Variants in CHST9 observed in about 807,000 individuals in gnomAD.
The protein encoded by CHST9 is GalNAc-4-sulfotransferase 2.
In CHST9, 41 loss-of-function variants were observed where a neutral mutation model predicts 44.4. The ratio of observed to expected loss-of-function variants is 0.92; its 90% CI spans 0.72 to 1.20. The LOEUF (loss-of-function observed/expected upper bound fraction) is 1.20. Among genes scored for constraint, CHST9 ranks in the 50% most tolerant of loss-of-function variants. The probability of loss-of-function intolerance (pLI) is 0.00; values close to 1 mark genes in which losing one functional copy is unlikely to be tolerated. For synonymous variants in CHST9, 171 were observed against 178.4 expected (o/e 0.96, Z 0.33); for missense variants, 504 against 516.5 (o/e 0.98, Z 0.23).
intron 4 of CHST9, among the ~76,000 whole-genome samples, chr18:26,982,571 G>T (rs1160554199): frequency 6.6e-6 from 1 of 152,118 alleles, no homozygotes; most frequent in African/African-American, 2.4e-5. Flanking sequence ...CTGGGGACGG[G>T]GGACACACAG....
intron 1 of CHST9, among the ~76,000 whole-genome samples, chr18:27,162,375 T>C (rs1263836041): frequency 6.6e-6 from 1 of 152,020 alleles, no homozygotes; most frequent in East Asian, 1.9e-4. Flanking sequence ...TGAAGCTTAG[T>C]TTGGCTGGAT....
chr18:26,933,937 G>C (rs409278), intron 5 of CHST9, among the ~76,000 whole-genome samples: 4 of 151,848 alleles, frequency 2.6e-5, no homozygotes, highest in Admixed American at 2.6e-4. Flanking sequence ...GAAGCTACTA[G>C]GGCTGAGATC....
At chr18:27,049,140 T>C (rs1485339088) in intron 2 of CHST9, among the ~76,000 whole-genome samples, 1 of 152,028 alleles carries the variant, frequency 6.6e-6, no homozygotes, top group Non-Finnish European at 1.5e-5. Context: ...AGGAGGACTA[T>C]CCTAGAGGTT....
At position 26,913,897 on chromosome 18, in the gene CHST9, A is replaced by G. The variant is rs751120361; in HGVS notation, c.*2362T>C. On this transcript the variant is annotated 3_prime_UTR_variant, in exon 6 of 6. Transcript: ENST00000618847. ...CTGGCTTCTTTGGTCCTAACATGAA[A>G]ATAAGCCATCTAAAATGAAGAGCAG... The G allele has an allele frequency of 1.3e-5, 2 of 152,190 alleles. No homozygotes were observed. Among genetic ancestry groups the G allele is most frequent in the Non-Finnish European group, 2.9e-5 (2 of 68,034 alleles). 9.4% of individuals were successfully genotyped at this position (152,190 alleles called of 1,614,324 possible).
At chr18:27,184,652 C>G (rs2058941470) in intron 1 of CHST9, among the ~76,000 whole-genome samples, 1 of 152,110 alleles carries the variant, frequency 6.6e-6, no homozygotes, top group Non-Finnish European at 1.5e-5. Context: ...GAGGCACCCC[C>G]GCAGCAGAGA....
intron 3 of CHST9, 41 bp downstream of exon 3, chr18:27,048,424 A>C (rs756851399): frequency 1.3e-5 from 20 of 1,531,968 alleles, no homozygotes; most frequent in Admixed American, 3.9e-5. Context: ...GTGGAAATAA[A>C]ATCAGGAAAT....
chr18:27,114,864 T>C (rs943549020), intron 2 of CHST9, among the ~76,000 whole-genome samples: 1 of 152,214 alleles, frequency 6.6e-6, no homozygotes, highest in African/African-American at 2.4e-5. Context: ...GATACGTGGG[T>C]ACTGATGTGA....
In CHST9 at chr18:27,098,826, T is replaced by TG. The variant is rs1233632496; in HGVS notation, c.121+43862dup. ...CTACCAATGGCATTTTTCACAGAAC[T>TG]GGAAAAAAAAAAAACAAACCTATCC... is the stretch of plus-strand genomic sequence containing the variant. On this transcript the variant is annotated intron_variant, in intron 2 of 5. Transcript: ENST00000618847. Among the ~76,000 whole-genome samples the TG allele has an allele frequency of 7.5e-5, 9 of 120,592 alleles. No homozygotes were observed. The East Asian group carries it at 2.5e-3, about 34-fold the overall frequency. The allele number at this position is 120,592 out of a possible 152,430, so 79.1% of individuals were successfully genotyped here.
chr18:26,917,161 T>TA lies in CHST9; in HGVS notation c.429dup (p.Asn144Ter), dbSNP rs753390660. On this transcript the variant is annotated frameshift_variant, in exon 6 of 6. Transcript: ENST00000618847. LOFTEE classifies it high-confidence loss of function. ...GGCCAATTCATGTTGCTGAACTTGT[T>TA]AAAAACAGTCTTAGCTCCTTGACGT... 1 of 1,613,986 alleles carries TA rather than the reference T, an allele frequency of 6.2e-7. No individual in the cohort carries two copies. The highest frequency in any genetic ancestry group is 1.1e-5 in the South Asian group (1 of 91,080).
chr18:26,989,364 T>C (rs575751399), intron 4 of CHST9, among the ~76,000 whole-genome samples: 34 of 152,216 alleles, frequency 2.2e-4, no homozygotes, highest in African/African-American at 2.4e-4. Flanking sequence ...GAATATAAAT[T>C]AAAGCACCAT....
chr18:26,932,678 T>C (rs1352705889), intron 5 of CHST9, among the ~76,000 whole-genome samples: 3 of 152,146 alleles, frequency 2.0e-5, no homozygotes, highest in Admixed American at 6.5e-5. Flanking sequence ...GATTTCTACA[T>C]TGAAGAAGAA....
At chr18:26,975,206 CAGG>C (rs1164737235) in intron 4 of CHST9, among the ~76,000 whole-genome samples, 1 of 152,098 alleles carries the variant, frequency 6.6e-6, no homozygotes, top group Non-Finnish European at 1.5e-5. Context: ...CAATTGCTTC[CAGG>C]AGAAGCCAGT....
At chr18:27,069,742 C>T (rs1253055139) in intron 2 of CHST9, among the ~76,000 whole-genome samples, 3 of 152,218 alleles carry the variant, frequency 2.0e-5, no homozygotes, top group South Asian at 2.1e-4. Context: ...TCTTCTATTG[C>T]TACAAAATGA....
intron 4 of CHST9, among the ~76,000 whole-genome samples, chr18:27,001,770 A>G (rs1444995903): frequency 5.9e-5 from 9 of 152,196 alleles, no homozygotes. Context: ...AAGACTACTT[A>G]TGACAGAAGT....
chr18:26,944,198 C>G, intron 5 of CHST9, 131 bp downstream of exon 5: 1 of 705,430 alleles, frequency 1.4e-6, no homozygotes, highest in Non-Finnish European at 2.4e-6. Flanking sequence ...GTTTTTTTCC[C>G]CAGAACCAAT....
intron 2 of CHST9, among the ~76,000 whole-genome samples, chr18:27,097,533 T>C (rs1390315764): frequency 6.6e-6 from 1 of 152,064 alleles, no homozygotes; most frequent in African/African-American, 2.4e-5. Context: ...AACTGATAAA[T>C]GACTTTACTA....
chr18:27,153,889 G>C (rs11664438), intron 1 of CHST9, among the ~76,000 whole-genome samples: 64,343 of 151,882 alleles, frequency 0.42, 14,063 homozygotes, highest in East Asian at 0.63. Flanking sequence ...AATATTTTAT[G>C]TCCTAGTGAA....
chr18:26,941,648 TG>T (rs2056084062), intron 5 of CHST9, among the ~76,000 whole-genome samples: 1 of 150,910 alleles, frequency 6.6e-6, no homozygotes, highest in African/African-American at 2.4e-5. Context: ...AAAAAAAAAA[TG>T]GGTCATGCAT....
intron 2 of CHST9, among the ~76,000 whole-genome samples, chr18:27,119,653 GTT>G (rs146966271): frequency 0.1 from 14,222 of 138,244 alleles, 726 homozygotes; most frequent in South Asian, 0.14. Context: ...TTTGTTTTGG[GTT>G]TTTTTTTTTT....
Sources: gnomAD v4.1 joint callset for allele counts (sites outside exome capture counted in the v4.1 genomes callset) on GRCh38, gnomAD v4.1.1 for gene constraint, MANE v1.5 for transcripts, NCBI Gene and HGNC (gene_info 2026-07-23, HGNC 2026-07-21) for gene names.